Variants in RARB observed in about 807,000 individuals in gnomAD.
RARB encodes retinoic acid receptor beta, also known as HBV-activated protein.
A neutral mutation model predicts 51.9 loss-of-function variants in RARB; 17 were observed. That is an observed-to-expected ratio of 0.33 (90% CI 0.22 to 0.49). The LOEUF (loss-of-function observed/expected upper bound fraction) is 0.49. Ranked by LOEUF, RARB falls within the 20% of genes least tolerant of loss-of-function variation. The pLI is 0.99. For missense variants in RARB, 369 were observed against 550.8 expected (o/e 0.67, Z 3.30); for synonymous variants, 215 against 195.4 (o/e 1.10, Z -0.84).
chr3:24,996,344 C>A (rs1697038622), intron 2 of RARB, among the ~76,000 whole-genome samples: 1 of 150,596 alleles, frequency 6.6e-6, no homozygotes, highest in South Asian at 2.1e-4. Context: ...GTTCTTCTCT[C>A]TTTTCTTATT....
chr3:25,214,419 G>A (rs554399715), intron 5 of RARB, among the ~76,000 whole-genome samples: 6 of 152,186 alleles, frequency 3.9e-5, no homozygotes, highest in East Asian at 1.9e-4. Context: ...GCCACACACC[G>A]GGAGACAATA....
intron 2 of RARB, among the ~76,000 whole-genome samples, chr3:25,001,231 T>C: frequency 6.6e-6 from 1 of 152,240 alleles, no homozygotes; most frequent in East Asian, 1.9e-4. Flanking sequence ...TTACAATGTC[T>C]TTAACCAAAA....
At chr3:24,953,100 G>A (rs1695935836) in intron 2 of RARB, among the ~76,000 whole-genome samples, 1 of 152,166 alleles carries the variant, frequency 6.6e-6, no homozygotes, top group Non-Finnish European at 1.5e-5. Context: ...GAGAGCTGGA[G>A]CTGGGGTTTG....
At chr3:25,176,429 C>G (rs1331515497) in intron 5 of RARB, among the ~76,000 whole-genome samples, 1 of 147,784 alleles carries the variant, frequency 6.8e-6, no homozygotes, top group African/African-American at 2.5e-5. Context: ...TGGTATCTCG[C>G]TCTGTCGCCG....
chr3:25,232,329 G>A (rs79920912), intron 5 of RARB, among the ~76,000 whole-genome samples: 5,098 of 152,184 alleles, frequency 0.033, 125 homozygotes, highest in Middle Eastern at 0.051. Context: ...TTCCACGTAA[G>A]TGTTAGACTC....
chr3:25,189,071 A>C (rs1218376603), intron 5 of RARB, among the ~76,000 whole-genome samples: 1 of 152,206 alleles, frequency 6.6e-6, no homozygotes, highest in Non-Finnish European at 1.5e-5. Flanking sequence ...CCAGGCATGC[A>C]GAGAAGCACA....
intron 5 of RARB, among the ~76,000 whole-genome samples, chr3:25,335,464 G>T (rs1705036239): frequency 6.6e-6 from 1 of 152,224 alleles, no homozygotes; most frequent in African/African-American, 2.4e-5. Flanking sequence ...GGCCCGGCAT[G>T]TTGGCATGTA....
intron 5 of RARB, among the ~76,000 whole-genome samples, chr3:25,222,114 T>C (rs1311384582): frequency 6.6e-6 from 1 of 152,144 alleles, no homozygotes; most frequent in African/African-American, 2.4e-5. Flanking sequence ...GATGCATTAG[T>C]GTAATTCATC....
At chr3:25,538,946 A>G (rs188763966) in intron 3 of RARB, among the ~76,000 whole-genome samples, 4 of 152,328 alleles carry the variant, frequency 2.6e-5, no homozygotes. Flanking sequence ...CCAAGATACT[A>G]CTCTGCTAAT....
chr3:25,187,777 G>A (rs1408484693), intron 5 of RARB, among the ~76,000 whole-genome samples: 1 of 151,954 alleles, frequency 6.6e-6, no homozygotes, highest in Non-Finnish European at 1.5e-5. Flanking sequence ...TCTTTTCTGT[G>A]AAATAATTTT....
At chr3:25,449,219 CT>C (rs2125539628) in intron 1 of RARB, among the ~76,000 whole-genome samples, 1 of 152,066 alleles carries the variant, frequency 6.6e-6, no homozygotes, top group Admixed American at 6.5e-5. Flanking sequence ...CGCCAGAGGC[CT>C]TTGGAATCTT....
At chr3:25,206,865 C>G (rs1459294019) in intron 5 of RARB, among the ~76,000 whole-genome samples, 1 of 152,092 alleles carries the variant, frequency 6.6e-6, no homozygotes, top group Non-Finnish European at 1.5e-5. Context: ...TACCTGAGTG[C>G]TAGAATCAAT....
At chr3:25,092,031 G>C (rs901700168) in intron 3 of RARB, among the ~76,000 whole-genome samples, 21 of 152,254 alleles carry the variant, frequency 1.4e-4, no homozygotes, top group African/African-American at 4.6e-4. Flanking sequence ...GTAGTATTTG[G>C]ATAATTGAAT....
chr3:25,415,005 C>T (rs1707662267), intron 5 of RARB, among the ~76,000 whole-genome samples: 1 of 152,100 alleles, frequency 6.6e-6, no homozygotes, highest in African/African-American at 2.4e-5. Context: ...CCATGTCCAG[C>T]TAATTTTTAT....
intron 1 of RARB, among the ~76,000 whole-genome samples, chr3:24,837,298 T>A (rs1416140320): frequency 1.3e-5 from 2 of 152,240 alleles, no homozygotes; most frequent in Admixed American, 1.3e-4. Flanking sequence ...TGAATGAATA[T>A]ATAGTCTTGT....
At chr3:25,011,327 T>C (rs567817326) in intron 2 of RARB, among the ~76,000 whole-genome samples, 1 of 152,146 alleles carries the variant, frequency 6.6e-6, no homozygotes, top group Admixed American at 6.6e-5. Flanking sequence ...AAGGAAGATC[T>C]CCACTGAGAA....
intron 2 of RARB, among the ~76,000 whole-genome samples, chr3:24,868,659 T>C (rs528632616): frequency 3.3e-5 from 5 of 152,284 alleles, no homozygotes; most frequent in African/African-American, 1.2e-4. Context: ...TTTTTAGGTA[T>C]AATAAGAAAC....
chr3:25,006,995 T>G (rs1697286166), intron 2 of RARB, among the ~76,000 whole-genome samples: 1 of 152,188 alleles, frequency 6.6e-6, no homozygotes, highest in African/African-American at 2.4e-5. Flanking sequence ...TTCAGTCCTT[T>G]TGATATTCAG....
chr3:25,034,155 C>A (rs1482129049), intron 2 of RARB, among the ~76,000 whole-genome samples: 16 of 152,064 alleles, frequency 1.1e-4, no homozygotes, highest in Non-Finnish European at 1.6e-4. Context: ...ACTAAAAATA[C>A]AAAAATTAGC....
Sources: allele counts gnomAD v4.1 joint callset (sites outside exome capture counted in the v4.1 genomes callset), GRCh38; gene constraint gnomAD v4.1.1; transcripts MANE v1.5; gene names NCBI Gene and HGNC (gene_info 2026-07-23, HGNC 2026-07-21).